Variants in COBL observed in about 807,000 individuals in gnomAD.
COBL encodes protein cordon-bleu.
In COBL, 51 loss-of-function variants were observed where a neutral mutation model predicts 98.8. The observed-to-expected ratio is 0.52, with a 90% CI of 0.41 to 0.65. The LOEUF (loss-of-function observed/expected upper bound fraction) is 0.65. Ranked by LOEUF, COBL falls within the 30% of genes least tolerant of loss-of-function variation. The pLI, the probability that COBL is intolerant of heterozygous loss-of-function variation, is 0.00. For synonymous variants in COBL, 634 were observed against 651.7 expected, an observed-to-expected ratio of 0.97 and a Z score of 0.41; for missense variants, 1,617 against 1,617.5, an observed-to-expected ratio of 1.00 and a Z score of 0.01.
At chr7:51,081,385 G>A (rs1015553751) in intron 7 of COBL, among the ~76,000 whole-genome samples, 3 of 152,200 alleles carry the variant, frequency 2.0e-5, no homozygotes, top group Admixed American at 6.5e-5. Flanking sequence ...GGAGCCACAA[G>A]GCAAGACGAA....
intron 1 of COBL, among the ~76,000 whole-genome samples, chr7:51,255,886 T>C (rs903013503): frequency 1.3e-5 from 2 of 152,072 alleles, no homozygotes; most frequent in Non-Finnish European, 2.9e-5. Flanking sequence ...AGCCCCTGCT[T>C]TGTCCCTTAG....
At chr7:51,043,728 C>A in intron 7 of COBL, 36 bp from the exon 8 acceptor site, 3 of 1,579,244 alleles carry the variant, frequency 1.9e-6, no homozygotes, top group Non-Finnish European at 8.6e-7. Flanking sequence ...TCAGCCCAAA[C>A]CACTCTGGCG....
chr7:51,279,775 C>A (rs1413540177), intron 1 of COBL, among the ~76,000 whole-genome samples: 1 of 152,180 alleles, frequency 6.6e-6, no homozygotes, highest in Non-Finnish European at 1.5e-5. Context: ...TCCTCTGTTC[C>A]TGCTCTTTCC....
chr7:51,171,307 G>A (rs1320375797), intron 5 of COBL, among the ~76,000 whole-genome samples: 1 of 151,974 alleles, frequency 6.6e-6, no homozygotes, highest in African/African-American at 2.4e-5. Flanking sequence ...ATCATTCAAG[G>A]ATCATCAAAG....
Position 51,226,182 on chromosome 7 carries a change from C to T in COBL, c.42-6238G>A, listed in dbSNP as rs1421595229. Reference sequence around the variant, plus strand: ...CTCTACACCATGGGTGCCTGTTTACCATGTTGGCTACTCTGGCTGGCTGCT... The same window carrying T: ...CTCTACACCATGGGTGCCTGTTTACTATGTTGGCTACTCTGGCTGGCTGCT... On this transcript the variant is annotated intron_variant, in intron 1 of 12. Transcript: ENST00000265136. Among the ~76,000 whole-genome samples the T allele has an allele frequency of 2.6e-5, 4 of 152,252 alleles. No individual in the cohort carries two copies. In the South Asian group the frequency reaches 8.3e-4, roughly 32 times the overall value.
rs1000295506 is a variant in COBL, at chr7:51,209,126, G to A, written c.245+10615C>T. ...GCCAGAGGCACTCGTTCATTCCTCC[G>A]TGACCCTGAGCATGAGCTGCAGGGC... On this transcript the variant is annotated intron_variant, in intron 2 of 12. Coordinates refer to ENST00000265136, the MANE Select transcript of COBL (RefSeq NM_015198.5). Among the ~76,000 whole-genome samples, 6 of 147,768 alleles carry A rather than the reference G, an allele frequency of 4.1e-5. No homozygotes were observed. In the Admixed American group the frequency reaches 4.1e-4, roughly 10 times the overall value.
At chr7:51,105,880 G>T (rs1324823676) in intron 6 of COBL, among the ~76,000 whole-genome samples, 1 of 152,040 alleles carries the variant, frequency 6.6e-6, no homozygotes, top group Non-Finnish European at 1.5e-5. Flanking sequence ...TGAAGGAAAT[G>T]GTGACATCCT....
chr7:51,240,851 T>C (rs2129122220), intron 1 of COBL, among the ~76,000 whole-genome samples: 1 of 152,322 alleles, frequency 6.6e-6, no homozygotes, highest in East Asian at 1.9e-4. Context: ...CCTACTATTA[T>C]TTTAAATTAG....
chr7:51,195,637 C>T (rs549576903), intron 2 of COBL, among the ~76,000 whole-genome samples: 3 of 151,866 alleles, frequency 2.0e-5, no homozygotes, highest in African/African-American at 7.2e-5. Context: ...ATTGATCCTT[C>T]CTTTCCATTT....
intron 12 of COBL, among the ~76,000 whole-genome samples, chr7:51,024,623 A>G (rs914458486): frequency 6.6e-6 from 1 of 152,038 alleles, no homozygotes; most frequent in Non-Finnish European, 1.5e-5. Context: ...GTAACTGTCC[A>G]ACATTAGGCT....
intron 1 of COBL, among the ~76,000 whole-genome samples, chr7:51,289,226 T>C (rs1800668349): frequency 6.6e-6 from 1 of 152,222 alleles, no homozygotes; most frequent in Admixed American, 6.5e-5. Flanking sequence ...TGGGAACAAG[T>C]CTATCATTTG....
intron 6 of COBL, among the ~76,000 whole-genome samples, chr7:51,090,511 C>T (rs1427880743): frequency 1.3e-5 from 2 of 152,134 alleles, no homozygotes; most frequent in Admixed American, 1.3e-4. Flanking sequence ...TTCAGGGGGG[C>T]TGCCTGAGGG....
At chr7:51,162,276 G>C (rs866095559) in intron 5 of COBL, among the ~76,000 whole-genome samples, 2 of 152,296 alleles carry the variant, frequency 1.3e-5, no homozygotes, top group African/African-American at 4.8e-5. Flanking sequence ...CCAGTTTACA[G>C]CCTGAGGCAC....
chr7:51,172,515 G>C (rs1402058518), intron 5 of COBL: 1 of 1,287,780 alleles, frequency 7.8e-7, no homozygotes, highest in East Asian at 5.6e-5. Context: ...GCACCCGACA[G>C]CACGAGCTGC....
At chr7:51,261,007 T>TC (rs1453014175) in intron 1 of COBL, among the ~76,000 whole-genome samples, 1 of 152,146 alleles carries the variant, frequency 6.6e-6, no homozygotes, top group Non-Finnish European at 1.5e-5. Context: ...TGCCCATCTC[T>TC]CCTGCTTCAC....
rs543116494 is a variant in COBL, at chr7:51,016,733, C to T, written c.*818G>A. 2.1e-5 allele frequency: 8 copies of T among 387,140 alleles called. No individual in the cohort carries two copies. The highest frequency in any genetic ancestry group is 1.5e-4 in the South Asian group (1 of 6,896). The allele number at this position is 387,140 out of a possible 1,614,324, so 24.0% of individuals were successfully genotyped here. ...GGCTCCCAGTGAAGTCATCAGGCTC[C>T]GTACACAGGCACCGTGGGGGAGGCC... is the stretch of plus-strand genomic sequence containing the variant. On this transcript the variant is annotated 3_prime_UTR_variant, in exon 13 of 13. Coordinates refer to ENST00000265136, the MANE Select transcript of COBL (RefSeq NM_015198.5).
chr7:51,157,580 T>C (rs1268034026), intron 5 of COBL, among the ~76,000 whole-genome samples: 1 of 152,170 alleles, frequency 6.6e-6, no homozygotes, highest in Non-Finnish European at 1.5e-5. Context: ...GGGAGGGATT[T>C]TAGTGGAGGC....
At position 51,025,258 on chromosome 7, in the gene COBL, G is replaced by GGGGGGGGGGGGGGGGGGGGGGGGTT; in HGVS notation, c.3618_3619insAACCCCCCCCCCCCCCCCCCCCCCC (p.Pro1207AsnfsTer89). 1 of 725,724 alleles carries GGGGGGGGGGGGGGGGGGGGGGGGTT rather than the reference G, an allele frequency of 1.4e-6. No individual in the cohort carries two copies. The highest frequency in any genetic ancestry group is 3.5e-5 in the East Asian group (1 of 28,812). 45.0% of individuals were successfully genotyped at this position (725,724 alleles called of 1,614,324 possible). A position where few individuals can be genotyped will look rare whatever the true frequency, so the allele number is the denominator to read the frequency against. On this transcript the variant is annotated frameshift_variant, in exon 12 of 13. Coordinates refer to ENST00000265136, the MANE Select transcript of COBL (RefSeq NM_015198.5). LOFTEE classifies it high-confidence loss of function. The stretch of plus-strand genomic sequence containing the variant: ...TGGGAGGGTGGAGGGGGTGGTGGGG[G>GGGGGGGGGGGGGGGGGGGGGGGGTT]AATGGCTGGTGGGGACAGAAGACCA...
intron 6 of COBL, among the ~76,000 whole-genome samples, chr7:51,130,172 G>T (rs1451293495): frequency 6.6e-6 from 1 of 152,146 alleles, no homozygotes; most frequent in Non-Finnish European, 1.5e-5. Context: ...GGTGAGCCCA[G>T]ATGATCCTCC....
Sources: gnomAD v4.1 joint callset for allele counts (sites outside exome capture counted in the v4.1 genomes callset) on GRCh38, gnomAD v4.1.1 for gene constraint, MANE v1.5 for transcripts, NCBI Gene and HGNC (gene_info 2026-07-23, HGNC 2026-07-21) for gene names.